The following RECQL5 variants were observed in gnomAD, a reference collection of about 807,000 sequenced individuals.
RECQL5 encodes the protein ATP-dependent DNA helicase Q5.
Under a neutral mutation model 103.4 loss-of-function variants are expected in RECQL5, and 88 were observed. The observed-to-expected ratio is 0.85, with a 90% CI of 0.72 to 1.02. The LOEUF (loss-of-function observed/expected upper bound fraction) is 1.02, where lower values mean the gene tolerates loss of function less well. RECQL5 is among the 50% of genes least tolerant of loss of function. The probability of loss-of-function intolerance (pLI) is 0.00; values close to 1 mark genes in which losing one functional copy is unlikely to be tolerated. For synonymous variants in RECQL5, 552 were observed against 507.9 expected (o/e 1.09, Z -1.17); for missense variants, 1,232 against 1,284.3 (o/e 0.96, Z 0.62).
At chr17:75,664,825 A>G (rs2059745838) in intron 3 of RECQL5, among the ~76,000 whole-genome samples, 1 of 150,068 alleles carries the variant, frequency 6.7e-6, no homozygotes. Flanking sequence ...AGGCACAAGA[A>G]TTGCTGGAAG....
chr17:75,652,949 G>C (rs1016872803), intron 7 of RECQL5, among the ~76,000 whole-genome samples: 3 of 152,172 alleles, frequency 2.0e-5, no homozygotes, highest in Admixed American at 6.5e-5. Flanking sequence ...ACACAATATA[G>C]TTTCCTGTTT....
intron 3 of RECQL5, among the ~76,000 whole-genome samples, chr17:75,663,464 CAT>C (rs1429318254): frequency 7.2e-5 from 11 of 152,248 alleles, no homozygotes; most frequent in South Asian, 6.2e-4. Flanking sequence ...CAACCCATCA[CAT>C]GAGGTCAGAA....
chr17:75,642,491 T>C (rs2059445835), intron 8 of RECQL5, among the ~76,000 whole-genome samples: 1 of 152,340 alleles, frequency 6.6e-6, no homozygotes, highest in African/African-American at 2.4e-5. Flanking sequence ...CTGGTTTCAC[T>C]TTCTAGTGTC....
chr17:75,641,425 C>T (rs2059433382), intron 8 of RECQL5: 1 of 155,200 alleles, frequency 6.4e-6, no homozygotes, highest in African/African-American at 2.4e-5. Flanking sequence ...GCCGGACTCC[C>T]TGAGGTTGGG....
intron 8 of RECQL5, chr17:75,650,404 G>A (rs2059539679): frequency 3.2e-6 from 4 of 1,263,480 alleles, no homozygotes; most frequent in Non-Finnish European, 4.0e-6. Context: ...AACCAAGATG[G>A]CCCAGGTGTA....
chr17:75,650,799 G>A, intron 8 of RECQL5: 1 of 1,552,166 alleles, frequency 6.4e-7, no homozygotes, highest in Non-Finnish European at 8.7e-7. Context: ...CTTCTGTGTG[G>A]GTCCTGGATA....
intron 5 of RECQL5, 112 bp from the exon 6 acceptor site, chr17:75,661,178 C>A: frequency 1.3e-6 from 1 of 794,040 alleles, no homozygotes. Context: ...CTGAATCTTT[C>A]ACTTCCCAGC....
At position 75,640,066 on chromosome 17, in the gene RECQL5, T is replaced by C. The variant is rs1000333509; in HGVS notation, c.1230-8398A>G. On this transcript the variant is annotated intron_variant, in intron 8 of 19. Coordinates refer to ENST00000317905, the MANE Select transcript of RECQL5 (RefSeq NM_004259.7). This position sits in a 1 kb window ranked among gnomAD's most constrained non-coding sequence, Gnocchi z 4.6. Reference sequence around the variant, plus strand: ...TGCAATGTGTGAGACCTGACAAACTTGTTCTGCGGGCTGCGGATGGGTGCG... The same window carrying C: ...TGCAATGTGTGAGACCTGACAAACTCGTTCTGCGGGCTGCGGATGGGTGCG... 5 of 1,292,120 alleles carry C rather than the reference T, an allele frequency of 3.9e-6. No individual in the cohort carries two copies. In the African/African-American group the frequency reaches 4.5e-5, roughly 12 times the overall value. The allele number at this position is 1,292,120 out of a possible 1,614,324, so 80.0% of individuals were successfully genotyped here.
At position 75,640,403 on chromosome 17, in the gene RECQL5, G is replaced by A; in HGVS notation, c.1230-8735C>T. The A allele has an allele frequency of 1.4e-6, 2 of 1,455,702 alleles. No individual in the cohort carries two copies. Among genetic ancestry groups the A allele is most frequent in the South Asian group, 2.9e-5 (2 of 69,296 alleles). The allele number at this position is 1,455,702 out of a possible 1,614,324, so 90.2% of individuals were successfully genotyped here. On this transcript the variant is annotated intron_variant, in intron 8 of 19. Coordinates refer to ENST00000317905, the MANE Select transcript of RECQL5 (RefSeq NM_004259.7). The surrounding 1 kb of genome is among the most constrained non-coding windows in gnomAD (Gnocchi z 4.6). ...GACCACACCATGGTGCCAGCCAGAGGGCTGGCAGAGGTGGCGGGTGTCTGC... is the reference window on the plus strand; with the variant it reads ...GACCACACCATGGTGCCAGCCAGAGAGCTGGCAGAGGTGGCGGGTGTCTGC...
At chr17:75,630,116 G>A (rs966358787) in intron 14 of RECQL5, 68 bp downstream of exon 14, 2 of 1,347,686 alleles carry the variant, frequency 1.5e-6, no homozygotes, top group Non-Finnish European at 1.0e-6. Flanking sequence ...AGAGCTGGCA[G>A]ACAGCTTCTG....
chr17:75,633,165 C>A (rs184853888), intron 8 of RECQL5, among the ~76,000 whole-genome samples: 1 of 152,262 alleles, frequency 6.6e-6, no homozygotes, highest in African/African-American at 2.4e-5. Flanking sequence ...GGAGTCCGTG[C>A]GCCCGCACAG....
Position 75,661,020 on chromosome 17 carries a change from C to CTCCA in RECQL5, c.917_920dup (p.Glu307AspfsTer13), listed in dbSNP as rs776345938. 1 of 1,614,220 alleles carries CTCCA rather than the reference C, an allele frequency of 6.2e-7. No homozygotes were observed. The highest frequency in any genetic ancestry group is 2.2e-5 in the East Asian group (1 of 44,886). On this transcript the variant is annotated frameshift_variant, in exon 6 of 20. Coordinates refer to ENST00000317905, the MANE Select transcript of RECQL5 (RefSeq NM_004259.7). LOFTEE classifies it high-confidence loss of function. Reference sequence around the variant, plus strand: ...TTGCAACAATTACAGGGACCTTCTCCTCCATCCAGTCGTTCTGCACCAGCG... The same window carrying CTCCA: ...TTGCAACAATTACAGGGACCTTCTCCTCCATCCATCCAGTCGTTCTGCACCAGCG...
At chr17:75,661,810 C>T (rs969118806) in intron 4 of RECQL5, 102 bp from the exon 5 acceptor site, 13 of 829,736 alleles carry the variant, frequency 1.6e-5, no homozygotes, top group East Asian at 5.2e-5. Context: ...TTCCTTCTCT[C>T]GTCGGCTTCA....
intron 9 of RECQL5, 79 bp downstream of exon 9, chr17:75,631,371 C>T: frequency 2.6e-6 from 4 of 1,547,686 alleles, no homozygotes; most frequent in Non-Finnish European, 1.8e-6. Context: ...GGCATCGTGC[C>T]ACCTCTGGTC....
intron 7 of RECQL5, among the ~76,000 whole-genome samples, chr17:75,655,557 G>C (rs9905552): frequency 3.9e-5 from 6 of 151,908 alleles, no homozygotes; most frequent in Admixed American, 2.6e-4. Flanking sequence ...ATAGAGATGG[G>C]GTTTCACCAT....
rs1326260732 is a variant in RECQL5, at chr17:75,631,480, C to G, written c.1418G>C (p.Gly473Ala). Residue 473 changes from glycine (G) to alanine (A), a missense_variant, in exon 9 of 20, where the codon GGA becomes GCA. Transcript: ENST00000317905. ...GAAGTCCCCGTAGCCCTTGCGGCCT[C>G]CCTCATACAGCTCGGGGTCAAAGCC... is the stretch of plus-strand genomic sequence containing the variant. ...GNGFDPELYEGGRKGYGDFSR... is the reference protein window; with the variant it reads ...GNGFDPELYEAGRKGYGDFSR... 1 of 1,613,100 alleles carries G rather than the reference C, an allele frequency of 6.2e-7. No homozygotes were observed. The highest frequency in any genetic ancestry group is 8.5e-7 in the Non-Finnish European group (1 of 1,179,926).
chr17:75,640,323 T>C lies in RECQL5; in HGVS notation c.1230-8655A>G, dbSNP rs945984227. 2 of 1,547,738 alleles carry C rather than the reference T, an allele frequency of 1.3e-6. No homozygotes were observed. Among genetic ancestry groups the C allele is most frequent in the Admixed American group, 2.0e-5 (1 of 50,438 alleles). ...GTGGCCTTCTCAGTCATCATCCTTT[T>C]CACAGGTTAGTTGGGGCACTCAGCA... On this transcript the variant is annotated intron_variant, in intron 8 of 19. Coordinates refer to ENST00000317905, the MANE Select transcript of RECQL5 (RefSeq NM_004259.7). This position sits in a 1 kb window ranked among gnomAD's most constrained non-coding sequence, Gnocchi z 4.6.
chr17:75,664,628 CA>C (rs2059742849), intron 3 of RECQL5, among the ~76,000 whole-genome samples: 1 of 151,940 alleles, frequency 6.6e-6, no homozygotes, highest in South Asian at 2.1e-4. Context: ...AAATAAGAGG[CA>C]GGGGCGGGTG....
At chr17:75,661,472 G>A (rs1463536106) in intron 5 of RECQL5, 134 bp downstream of exon 5, 2 of 668,720 alleles carry the variant, frequency 3.0e-6, no homozygotes, top group East Asian at 5.1e-5. Flanking sequence ...GGATTTAAGT[G>A]TATCACTTTA....
Sources: gnomAD v4.1 joint callset for allele counts (sites outside exome capture counted in the v4.1 genomes callset) on GRCh38, gnomAD v4.1.1 for gene constraint, Gnocchi (gnomAD v3.1) non-coding constraint, MANE v1.5 for transcripts, NCBI Gene and HGNC (gene_info 2026-07-23, HGNC 2026-07-21) for gene names.